RGS12: variants seen among roughly 807,000 people sequenced by gnomAD.
RGS12 encodes regulator of G-protein signaling 12.
Under a neutral mutation model 120.1 loss-of-function variants are expected in RGS12, and 66 were observed. That is an observed-to-expected ratio of 0.55 (90% CI 0.45 to 0.67). The LOEUF is 0.67. RGS12 is among the 30% of genes least tolerant of loss of function. RGS12 has a pLI of 0.00. For synonymous variants in RGS12, 827 were observed against 804.7 expected (o/e 1.03, Z -0.47); for missense variants, 1,859 against 1,957.7 (o/e 0.95, Z 0.95).
At chr4:3,383,567 A>T (rs1718488859) in intron 3 of RGS12, among the ~76,000 whole-genome samples, 2 of 152,034 alleles carry the variant, frequency 1.3e-5, no homozygotes. Context: ...TCATTATGCC[A>T]CTGTACTCTA....
intron 3 of RGS12, among the ~76,000 whole-genome samples, chr4:3,379,004 G>GGTGT (rs1560129280): frequency 2.0e-4 from 22 of 109,106 alleles, no homozygotes; most frequent in African/African-American, 6.5e-4. Context: ...GGAAATGTGC[G>GGTGT]ATGTGTGTGT....
intron 4 of RGS12, among the ~76,000 whole-genome samples, chr4:3,387,570 G>C (rs1201113101): frequency 2.0e-5 from 3 of 152,234 alleles, no homozygotes; most frequent in Non-Finnish European, 2.9e-5. Flanking sequence ...GTGTGGTGGA[G>C]ATGTATTTTG....
chr4:3,293,374 G>T (rs928320551), intron 1 of RGS12, among the ~76,000 whole-genome samples: 1 of 146,614 alleles, frequency 6.8e-6, no homozygotes, highest in African/African-American at 2.5e-5. Context: ...CCGGCCGGGC[G>T]GGTGCGCGGC....
At chr4:3,409,113 C>T (rs1433901507) in intron 4 of RGS12, among the ~76,000 whole-genome samples, 2 of 152,284 alleles carry the variant, frequency 1.3e-5, no homozygotes, top group Admixed American at 6.5e-5. Context: ...GCACCCACAC[C>T]GCCCCCAAGC....
intron 4 of RGS12, 154 bp from the exon 5 acceptor site, chr4:3,413,918 G>C: frequency 1.4e-6 from 1 of 704,662 alleles, no homozygotes; most frequent in South Asian, 2.0e-5. Context: ...TGCACTGGCA[G>C]GTGGTAGGTG....
intron 4 of RGS12, among the ~76,000 whole-genome samples, chr4:3,410,482 G>C (rs1002502672): frequency 1.3e-5 from 2 of 152,124 alleles, no homozygotes; most frequent in Non-Finnish European, 2.9e-5. Context: ...CTGTGCCTTT[G>C]GGGGGGCTGT....
chr4:3,325,761 T>C (rs1375917925), intron 2 of RGS12, among the ~76,000 whole-genome samples: 1 of 152,134 alleles, frequency 6.6e-6, no homozygotes, highest in South Asian at 2.1e-4. Flanking sequence ...AATATCCCTA[T>C]TGAACATAGA....
At chr4:3,421,366 T>C (rs781270513) in intron 10 of RGS12, among the ~76,000 whole-genome samples, 18 of 152,276 alleles carry the variant, frequency 1.2e-4, no homozygotes, top group Non-Finnish European at 1.8e-4. Flanking sequence ...TAATTTCTTC[T>C]TCAGTTGTTC....
chr4:3,322,941 A>G (rs1725294843), intron 2 of RGS12, among the ~76,000 whole-genome samples: 1 of 152,242 alleles, frequency 6.6e-6, no homozygotes, highest in African/African-American at 2.4e-5. Flanking sequence ...TTACTGAGAT[A>G]AGACCATTAA....
At position 3,428,702 on chromosome 4, in the gene RGS12, G is replaced by A. The variant is rs267600139; in HGVS notation, c.3556G>A (p.Glu1186Lys). 6.3e-7 allele frequency: 1 copy of A among 1,589,666 alleles called. No individual in the cohort carries two copies. The highest frequency in any genetic ancestry group is 2.2e-5 in the East Asian group (1 of 44,784). Residue 1186 changes from glutamate (E) to lysine (K), a missense_variant, in exon 16 of 18, where the codon GAA (glutamate) becomes AAA (lysine). This residue lies in a region of RGS12 where 517 missense variants were observed against 488.5 expected (regional missense o/e 1.06). Coordinates refer to ENST00000336727, the MANE Select transcript of RGS12 (RefSeq NM_001394154.1). ...AAAATATCAGAAAATTAATTTGGAC[G>A]AAGCAGAGGGTATGTGAACTTTTTA... is the stretch of plus-strand genomic sequence containing the variant. ...KKKYQKINLDEAEEFFELISK... is the reference protein window; with the variant it reads ...KKKYQKINLDKAEEFFELISK...
Position 3,312,478 on chromosome 4 carries a change from CTT to C in RGS12, c.-101-3590_-101-3589del, listed in dbSNP as rs1394658863. 4 of 218,416 alleles carry C rather than the reference CTT, an allele frequency of 1.8e-5. No individual in the cohort carries two copies. In the East Asian group the frequency reaches 4.4e-4, roughly 24 times the overall value. 13.5% of individuals were successfully genotyped at this position (218,416 alleles called of 1,614,324 possible). On this transcript the variant is annotated intron_variant, in intron 1 of 17. Coordinates refer to ENST00000336727, the MANE Select transcript of RGS12 (RefSeq NM_001394154.1). ...GGGTTGCGTTCCTGCGTTCTGGACT[CTT>C]TACCCACTACTGAGAAGCAGCCGTT...
intron 2 of RGS12, among the ~76,000 whole-genome samples, chr4:3,339,190 G>A (rs1203713306): frequency 6.6e-6 from 1 of 152,174 alleles, no homozygotes; most frequent in Admixed American, 6.5e-5. Flanking sequence ...CACCTGGGGC[G>A]TGGTCAGGGC....
chr4:3,337,709 C>T (rs1287003211), intron 2 of RGS12, among the ~76,000 whole-genome samples: 1 of 151,950 alleles, frequency 6.6e-6, no homozygotes, highest in Non-Finnish European at 1.5e-5. Flanking sequence ...ATGGAGAGTG[C>T]GTGTTAAATG....
At position 3,316,953 on chromosome 4, in the gene RGS12, C is replaced by T. The variant is rs144270977; in HGVS notation, c.783C>T (p.Arg261=). 2.3e-5 allele frequency: 37 copies of T among 1,613,926 alleles called. No homozygotes were observed. The African/African-American group carries it at 4.3e-4, about 19-fold the overall frequency. Residue 261 remains arginine (R), a synonymous_variant, in exon 2 of 18, where the codon CGC becomes CGT. Transcript: ENST00000336727. ...AAGCCATCCGCGGCTGCATGCGGCG[C>T]CTGCGGGCAGAGCAGAAAATCCACT... ...SLQAIRGCMR[R]LRAEQKIHSL... is the part of the protein sequence containing the mutation.
intron 2 of RGS12, chr4:3,342,393 G>A (rs1238081075): frequency 8.1e-7 from 1 of 1,237,432 alleles, no homozygotes. Context: ...TGGAGGAGGA[G>A]AGACAGGATG....
intron 1 of RGS12, among the ~76,000 whole-genome samples, chr4:3,299,047 G>A (rs1414952176): frequency 1.3e-5 from 2 of 152,180 alleles, no homozygotes; most frequent in Non-Finnish European, 2.9e-5. Context: ...ACTGGACATT[G>A]TAGATGGTAA....
At chr4:3,367,454 G>A (rs887363412) in intron 3 of RGS12, among the ~76,000 whole-genome samples, 2 of 152,262 alleles carry the variant, frequency 1.3e-5, no homozygotes, top group Non-Finnish European at 2.9e-5. Context: ...GGGCTGTGCT[G>A]GGCTTCCCGG....
Position 3,389,984 on chromosome 4 carries a change from G to A in RGS12, c.2020+3547G>A, listed in dbSNP as rs571524498. Among the ~76,000 whole-genome samples the A allele has an allele frequency of 7.8e-4, 118 of 151,948 alleles. No individual in the cohort carries two copies. The highest frequency in any genetic ancestry group is 2.8e-3 in the African/African-American group (115 of 41,414). On this transcript the variant is annotated intron_variant, in intron 4 of 17. Transcript: ENST00000336727. The surrounding 1 kb of genome is among the most constrained non-coding windows in gnomAD (Gnocchi z 5.2). Reference sequence around the variant, plus strand: ...TGTCCACTCAGCTGCCCCCCTACTCGTCCTCCATGCAGACCTCAGTCTTGG... The same window carrying A: ...TGTCCACTCAGCTGCCCCCCTACTCATCCTCCATGCAGACCTCAGTCTTGG...
chr4:3,431,529 G>A (rs1030235052), intron 17 of RGS12: 28 of 986,190 alleles, frequency 2.8e-5, no homozygotes, highest in East Asian at 1.1e-4. Flanking sequence ...CTCTCTGACC[G>A]CGGGTGTCAC....
Sources: allele counts gnomAD v4.1 joint callset (sites outside exome capture counted in the v4.1 genomes callset), GRCh38; gene constraint gnomAD v4.1.1; regional missense constraint gnomAD v4.1.1; non-coding constraint Gnocchi (gnomAD v3.1); transcripts MANE v1.5; gene names NCBI Gene and HGNC (gene_info 2026-07-23, HGNC 2026-07-21).